AOPEP: variants seen among roughly 807,000 people sequenced by gnomAD.
AOPEP encodes the protein aminopeptidase O (putative).
A neutral mutation model predicts 98.1 loss-of-function variants in AOPEP; 77 were observed. The ratio of observed to expected loss-of-function variants is 0.78; its 90% CI spans 0.65 to 0.95. AOPEP has a LOEUF of 0.95. AOPEP is among the 40% of genes least tolerant of loss of function. AOPEP has a pLI of 0.00. For missense variants in AOPEP, 1,024 were observed against 1,024.7 expected, an observed-to-expected ratio of 1.00 and a Z score of 0.01; for synonymous variants, 346 against 365.3, an observed-to-expected ratio of 0.95 and a Z score of 0.60.
At chr9:94,755,383 G>C (rs1836780295) in intron 1 of AOPEP, among the ~76,000 whole-genome samples, 1 of 152,238 alleles carries the variant, frequency 6.6e-6, no homozygotes, top group East Asian at 1.9e-4. Flanking sequence ...ATGTGGGGCT[G>C]TGACCCTGAT....
At chr9:95,073,235 T>G (rs1193158941) in intron 14 of AOPEP, among the ~76,000 whole-genome samples, 1 of 152,112 alleles carries the variant, frequency 6.6e-6, no homozygotes, top group East Asian at 1.9e-4. Context: ...CCAGCCTGTC[T>G]GTGGCCCTCC....
At chr9:94,817,466 A>T (rs904067973) in intron 5 of AOPEP, among the ~76,000 whole-genome samples, 2 of 152,242 alleles carry the variant, frequency 1.3e-5, no homozygotes, top group Non-Finnish European at 1.5e-5. Flanking sequence ...CTCCATGGCC[A>T]TGCCTGAGAG....
At chr9:95,149,944 G>T in the AOPEP span, 1 of 1,608,622 alleles carries the variant, frequency 6.2e-7, no homozygotes, top group African/African-American at 1.3e-5. Flanking sequence ...CTCGTTTACA[G>T]CCTCAAAGAA....
intron 9 of AOPEP, among the ~76,000 whole-genome samples, chr9:94,962,102 T>C (rs2058881796): frequency 6.6e-6 from 1 of 152,200 alleles, no homozygotes; most frequent in African/African-American, 2.4e-5. Flanking sequence ...TCTTGAAAAC[T>C]TGTTAAATGT....
At chr9:95,125,154 C>T in the AOPEP span, 2 of 1,614,176 alleles carry the variant, frequency 1.2e-6, no homozygotes, top group East Asian at 4.5e-5. Flanking sequence ...GCTATGATTT[C>T]CAGGGCCCCA....
the AOPEP span, among the ~76,000 whole-genome samples, chr9:95,127,957 T>C: frequency 6.6e-6 from 1 of 152,260 alleles, no homozygotes; most frequent in African/African-American, 2.4e-5. Flanking sequence ...CTTTAAATAA[T>C]CTATGCTCCC....
chr9:94,746,875 T>TC (rs113439030), intron 1 of AOPEP, among the ~76,000 whole-genome samples: 19 of 151,616 alleles, frequency 1.3e-4, no homozygotes, highest in South Asian at 8.4e-4. Flanking sequence ...TTAGACCCCC[T>TC]CCCCCCCACT....
intron 5 of AOPEP, among the ~76,000 whole-genome samples, chr9:94,895,414 G>GAAAA (rs5899235): frequency 1.7e-5 from 1 of 57,532 alleles, no homozygotes; most frequent in Non-Finnish European, 4.4e-5. Flanking sequence ...ACACAAAAAG[G>GAAAA]AAAAAAAAAA....
At chr9:94,975,213 A>G (rs1337578234) in intron 10 of AOPEP, among the ~76,000 whole-genome samples, 5 of 152,072 alleles carry the variant, frequency 3.3e-5, no homozygotes, top group Non-Finnish European at 7.4e-5. Flanking sequence ...CTCCAGGCTG[A>G]GTGACAAAGT....
intron 5 of AOPEP, among the ~76,000 whole-genome samples, chr9:94,883,512 T>C (rs1209536798): frequency 6.6e-6 from 1 of 152,202 alleles, no homozygotes; most frequent in Non-Finnish European, 1.5e-5. Flanking sequence ...AGTGATGGGC[T>C]GAGGCTCAGC....
the AOPEP span, among the ~76,000 whole-genome samples, chr9:95,131,041 A>G: frequency 6.6e-6 from 1 of 152,188 alleles, no homozygotes; most frequent in Non-Finnish European, 1.5e-5. Flanking sequence ...AACAAATTTG[A>G]GCTCGGAAAA....
rs375897828 is a variant in AOPEP, at chr9:94,759,943, A to G, written c.160A>G (p.Lys54Glu). The G allele has an allele frequency of 4.3e-6, 7 of 1,614,196 alleles. No homozygotes were observed. In the Admixed American group the frequency reaches 1.0e-4, roughly 23 times the overall value. The change falls in exon 2 of 17, where the codon AAG becomes GAG. Residue 54 changes from lysine to glutamate, a missense_variant. By Grantham distance (56) the Lys-to-Glu change is moderately conservative. This residue lies in a region of AOPEP where 440 missense variants were observed against 433.8 expected (regional missense o/e 1.01). Transcript: ENST00000375315. ...VLFLEDGNRF[K>E]KQNSSIEEAC... ...TTTCCTCGAGGATGGAAACAGATTC[A>G]AGAAACAGAATAGCTCTATTGAGGA...
chr9:94,865,588 GT>G (rs1376546181), intron 5 of AOPEP, among the ~76,000 whole-genome samples: 1 of 152,152 alleles, frequency 6.6e-6, no homozygotes, highest in African/African-American at 2.4e-5. Context: ...CTTTTAATTG[GT>G]AACATTACTT....
At chr9:95,088,938 G>A (rs555091948), downstream of AOPEP, among the ~76,000 whole-genome samples, 13 of 152,308 alleles carry the variant, frequency 8.5e-5, no homozygotes, top group South Asian at 2.1e-4. Flanking sequence ...GCCAGGAGTC[G>A]GCCTTTGCTG....
intron 7 of AOPEP, among the ~76,000 whole-genome samples, chr9:94,946,787 T>G (rs901502586): frequency 6.6e-6 from 1 of 152,152 alleles, no homozygotes; most frequent in Non-Finnish European, 1.5e-5. Flanking sequence ...GGTTGTTCTC[T>G]TTGTTGACAG....
intron 1 of AOPEP, among the ~76,000 whole-genome samples, chr9:94,729,367 C>T (rs1345868922): frequency 6.6e-6 from 1 of 152,050 alleles, no homozygotes; most frequent in Admixed American, 6.5e-5. Context: ...CCCAGGAGTT[C>T]AAGACCAGCC....
intron 5 of AOPEP, among the ~76,000 whole-genome samples, chr9:94,811,824 G>T (rs1171057999): frequency 6.6e-6 from 1 of 152,182 alleles, no homozygotes; most frequent in Non-Finnish European, 1.5e-5. Context: ...CTTTCCGATG[G>T]TCCAGGTTCA....
intron 10 of AOPEP, among the ~76,000 whole-genome samples, chr9:94,970,560 G>A (rs1049272235): frequency 2.0e-5 from 3 of 151,178 alleles, no homozygotes; most frequent in Admixed American, 1.3e-4. Flanking sequence ...GGGAGATTGC[G>A]TGGGGCCTTA....
intron 14 of AOPEP, among the ~76,000 whole-genome samples, chr9:95,077,210 C>T (rs1471695615): frequency 1.3e-5 from 2 of 152,212 alleles, no homozygotes; most frequent in African/African-American, 4.8e-5. Flanking sequence ...ATCTGCTTTC[C>T]TAGGCACGGG....
Sources: allele counts gnomAD v4.1 joint callset (sites outside exome capture counted in the v4.1 genomes callset), GRCh38; gene constraint gnomAD v4.1.1; regional missense constraint gnomAD v4.1.1; transcripts MANE v1.5; gene names NCBI Gene and HGNC (gene_info 2026-07-23, HGNC 2026-07-21).